ALPK2: variants seen among roughly 807,000 people sequenced by gnomAD.
The protein encoded by ALPK2 is alpha kinase 2, also known as alpha-protein kinase 2.
A neutral mutation model predicts 163.1 loss-of-function variants in ALPK2; 127 were observed. The ratio of observed to expected loss-of-function variants is 0.78; its 90% CI spans 0.67 to 0.90. The LOEUF (loss-of-function observed/expected upper bound fraction) is 0.90. Ranked by LOEUF, ALPK2 falls within the 40% of genes least tolerant of loss-of-function variation. The pLI, the probability that ALPK2 is intolerant of heterozygous loss-of-function variation, is 0.00. For missense variants in ALPK2, 2,360 were observed against 2,589.6 expected (o/e 0.91, Z 1.92); for synonymous variants, 953 against 959.1 (o/e 0.99, Z 0.12).
At chr18:58,503,446 C>A (rs545449141) in intron 11 of ALPK2, among the ~76,000 whole-genome samples, 1 of 152,320 alleles carries the variant, frequency 6.6e-6, no homozygotes, top group East Asian at 1.9e-4. Context: ...AATCCCAACA[C>A]TTTTGGAGGC....
intron 4 of ALPK2, among the ~76,000 whole-genome samples, chr18:58,541,301 C>T (rs996919227): frequency 2.6e-5 from 4 of 152,156 alleles, no homozygotes; most frequent in Non-Finnish European, 4.4e-5. Flanking sequence ...GGGGAGGTGC[C>T]GCACACTTTT....
chr18:58,483,559 T>TTATA (rs1350076921), intron 12 of ALPK2, among the ~76,000 whole-genome samples: 16 of 151,220 alleles, frequency 1.1e-4, no homozygotes, highest in Non-Finnish European at 2.2e-4. Context: ...ATTTATTTAT[T>TTATA]TATTTATTGA....
chr18:58,606,939 G>A (rs2052101406), intron 3 of ALPK2, among the ~76,000 whole-genome samples: 1 of 152,226 alleles, frequency 6.6e-6, no homozygotes. Context: ...TGGGATCATA[G>A]TCAGCCACTT....
intron 12 of ALPK2, among the ~76,000 whole-genome samples, chr18:58,490,262 G>T (rs1392242575): frequency 6.6e-6 from 1 of 152,196 alleles, no homozygotes; most frequent in Non-Finnish European, 1.5e-5. Context: ...TGTCCCCCTT[G>T]AGGATGTCTA....
At chr18:58,593,247 G>A (rs1347814841) in intron 3 of ALPK2, among the ~76,000 whole-genome samples, 2 of 152,124 alleles carry the variant, frequency 1.3e-5, no homozygotes, top group Non-Finnish European at 2.9e-5. Flanking sequence ...CCCCAAAACT[G>A]CTCTAAAATT....
intron 4 of ALPK2, among the ~76,000 whole-genome samples, chr18:58,549,033 A>G (rs1229575726): frequency 6.6e-6 from 1 of 152,152 alleles, no homozygotes; most frequent in Non-Finnish European, 1.5e-5. Context: ...ACTAAACTAA[A>G]TCTCTTATTC....
chr18:58,620,247 C>G (rs561617289), intron 1 of ALPK2, among the ~76,000 whole-genome samples: 1 of 152,164 alleles, frequency 6.6e-6, no homozygotes, highest in South Asian at 2.1e-4. Context: ...GCCGAGATCA[C>G]GCCATTGCAC....
chr18:58,611,485 A>G (rs2052130942), intron 2 of ALPK2, among the ~76,000 whole-genome samples: 1 of 152,186 alleles, frequency 6.6e-6, no homozygotes, highest in Non-Finnish European at 1.5e-5. Context: ...TGAAGTAAAG[A>G]TCACTAAATC....
intron 12 of ALPK2, among the ~76,000 whole-genome samples, chr18:58,490,221 G>A (rs2051366381): frequency 6.6e-6 from 1 of 152,232 alleles, no homozygotes; most frequent in Non-Finnish European, 1.5e-5. Context: ...GGACGTGGTA[G>A]TGTAACCAGA....
intron 3 of ALPK2, among the ~76,000 whole-genome samples, chr18:58,596,245 G>A (rs1156618812): frequency 2.6e-5 from 4 of 152,216 alleles, no homozygotes; most frequent in Admixed American, 6.5e-5. Context: ...GCTTCCCTTC[G>A]TCTGCCGTTC....
chr18:58,597,146 C>T (rs2052045054), intron 3 of ALPK2, among the ~76,000 whole-genome samples: 1 of 152,046 alleles, frequency 6.6e-6, no homozygotes, highest in Admixed American at 6.6e-5. Flanking sequence ...AAAATTTAGT[C>T]AGGTGTGGTG....
chr18:58,552,536 A>G (rs1025286634), intron 4 of ALPK2, among the ~76,000 whole-genome samples: 1 of 152,226 alleles, frequency 6.6e-6, no homozygotes, highest in African/African-American at 2.4e-5. Context: ...GGAAAGATAC[A>G]GAATCAATAT....
chr18:58,579,718 T>G lies in ALPK2; in HGVS notation c.1058A>C (p.His353Pro). The change falls in exon 4 of 13, where the codon CAT becomes CCT. Residue 353 changes from histidine (H) to proline (P), a missense_variant. Coordinates refer to ENST00000361673, the MANE Select transcript of ALPK2 (RefSeq NM_052947.4). The part of the protein sequence containing the change: ...VWQRNLLGTE[H>P]VFLLESDDEE... ...GTCATCGCTTTCTAATAAAAAAACA[T>G]GCTCAGTCCCCAGCAGGTTCCTTTG... 6.2e-7 allele frequency: 1 copy of G among 1,614,160 alleles called. No homozygotes were observed. The highest frequency in any genetic ancestry group is 1.1e-5 in the South Asian group (1 of 91,080).
intron 2 of ALPK2, among the ~76,000 whole-genome samples, chr18:58,610,933 A>G (rs1258341838): frequency 2.6e-5 from 4 of 152,072 alleles, no homozygotes. Flanking sequence ...CATCTCTACT[A>G]AAATACAAAA....
rs2051702368 is a variant in ALPK2 at position 58,543,515 on chromosome 18, GGCTACAAGGTT to G, written c.1963-5302_1963-5292del. On this transcript the variant is annotated intron_variant, in intron 4 of 12. Transcript: ENST00000361673. The stretch of plus-strand genomic sequence containing the variant: ...AGCAGAAAGGGTATCACTACACTAA[GGCTACAAGGTT>G]GCAGATGACCACGTTCTGGGGCCCA... The G allele has an allele frequency of 8.3e-5, 39 of 468,010 alleles. No individual in the cohort carries two copies. In the South Asian group the frequency reaches 3.5e-3, roughly 42 times the overall value. 29.0% of individuals were successfully genotyped at this position (468,010 alleles called of 1,614,324 possible).
chr18:58,488,554 C>T (rs1246153820), intron 12 of ALPK2, among the ~76,000 whole-genome samples: 1 of 150,522 alleles, frequency 6.6e-6, no homozygotes, highest in Non-Finnish European at 1.5e-5. Flanking sequence ...TTAGAGAAAC[C>T]AAGGTTCTTG....
chr18:58,543,072 G>T (rs181934513), intron 4 of ALPK2, among the ~76,000 whole-genome samples: 1 of 152,122 alleles, frequency 6.6e-6, no homozygotes, highest in Non-Finnish European at 1.5e-5. Context: ...GGATTGATAC[G>T]TTATCAAGGG....
In ALPK2 at chr18:58,536,910, CT is replaced by C. The variant is rs767288393; in HGVS notation, c.3276del (p.Glu1093ArgfsTer116). 1.9e-6 allele frequency: 3 copies of C among 1,614,226 alleles called. No homozygotes were observed. The highest frequency in any genetic ancestry group is 2.5e-6 in the Non-Finnish European group (3 of 1,180,032). ...AGAGGGGAATTACTGCAGAAACCCTCTCCCTCTGGGAGCTGCAGGACATGGT... is the reference window on the plus strand; with the variant it reads ...AGAGGGGAATTACTGCAGAAACCCTCCCCTCTGGGAGCTGCAGGACATGGT... ...VPHHVLQLPE[G>X]EGFCSNSPLQ... On this transcript the variant is annotated frameshift_variant, in exon 5 of 13. Coordinates refer to ENST00000361673, the MANE Select transcript of ALPK2 (RefSeq NM_052947.4). LOFTEE classifies it high-confidence loss of function.
chr18:58,492,493 G>T (rs988700996), intron 12 of ALPK2, among the ~76,000 whole-genome samples: 3 of 151,986 alleles, frequency 2.0e-5, no homozygotes, highest in African/African-American at 7.3e-5. Context: ...GTCTATTCTG[G>T]TCTTCACCCC....
Sources: allele counts gnomAD v4.1 joint callset (sites outside exome capture counted in the v4.1 genomes callset), GRCh38; gene constraint gnomAD v4.1.1; transcripts MANE v1.5; gene names NCBI Gene and HGNC (gene_info 2026-07-23, HGNC 2026-07-21).